AGPAT2: variants seen among roughly 807,000 people sequenced by gnomAD.
AGPAT2 encodes the protein 1-acylglycerol-3-phosphate O-acyltransferase 2, also known as 1-acyl-sn-glycerol-3-phosphate acyltransferase beta.
A neutral mutation model predicts 26.1 loss-of-function variants in AGPAT2; 18 were observed. That is an observed-to-expected ratio of 0.69 (90% CI 0.48 to 1.02). The LOEUF is 1.02. Ranked by LOEUF, AGPAT2 falls within the 50% of genes least tolerant of loss-of-function variation. AGPAT2 has a pLI of 0.00. For missense variants in AGPAT2, 415 were observed against 394.9 expected, an observed-to-expected ratio of 1.05 and a Z score of -0.43; for synonymous variants, 200 against 174.2, an observed-to-expected ratio of 1.15 and a Z score of -1.16.
chr9:136,677,921 G>A (rs1035785567), intron 1 of AGPAT2, among the ~76,000 whole-genome samples: 96 of 152,324 alleles, frequency 6.3e-4, no homozygotes, highest in Admixed American at 1.9e-3. Context: ...TCTCACGTCC[G>A]CTATGAAGGA....
intron 1 of AGPAT2, among the ~76,000 whole-genome samples, chr9:136,685,515 C>G (rs535314049): frequency 1.1e-3 from 166 of 152,312 alleles, no homozygotes; most frequent in Non-Finnish European, 1.7e-3. Context: ...TGAAGAGGCC[C>G]GTGGCCTGTG....
In AGPAT2 at chr9:136,677,057, G is replaced by C. The variant is rs551034811; in HGVS notation, c.396C>G (p.Ile132Met). ...ELLFLGPVGL[I>M]MYLGGVFFIN... Reference sequence around the variant, plus strand: ...TGAAGAAGACGCCCCCGAGGTACATGATGAGGCCCACGGGCCCCAGGAAGA... The same window carrying C: ...TGAAGAAGACGCCCCCGAGGTACATCATGAGGCCCACGGGCCCCAGGAAGA... Residue 132 changes from isoleucine to methionine, a missense_variant, in exon 3 of 6, where the codon ATC becomes ATG. Coordinates refer to ENST00000371696, the MANE Select transcript of AGPAT2 (RefSeq NM_006412.4). The C allele has an allele frequency of 1.2e-6, 2 of 1,613,190 alleles. No homozygotes were observed. The highest frequency in any genetic ancestry group is 1.7e-5 in the Admixed American group (1 of 60,026).
At chr9:136,681,966 C>G (rs1358547791) in intron 1 of AGPAT2, among the ~76,000 whole-genome samples, 2 of 152,124 alleles carry the variant, frequency 1.3e-5, no homozygotes, top group Admixed American at 1.3e-4. Context: ...GACAAGGGCT[C>G]TACATGAGTC....
In AGPAT2 at chr9:136,673,990, C is replaced by G. The variant is rs1846051522; in HGVS notation, c.662-63G>C. 7.1e-6 allele frequency: 10 copies of G among 1,413,708 alleles called. No individual in the cohort carries two copies. In the East Asian group the frequency reaches 2.8e-4, roughly 39 times the overall value. The allele number at this position is 1,413,708 out of a possible 1,614,324, so 87.6% of individuals were successfully genotyped here. A position where few individuals can be genotyped will look rare whatever the true frequency, so the allele number is the denominator to read the frequency against. Reference sequence around the variant, plus strand: ...AGCTGGGGCCCACCTCAGCCTGCTGCCCTGGCCTCGCCTCTCCCCAGCCCC... The same window carrying G: ...AGCTGGGGCCCACCTCAGCCTGCTGGCCTGGCCTCGCCTCTCCCCAGCCCC... On this transcript the variant is annotated intron_variant, in intron 5 of 5. Transcript: ENST00000371696.
chr9:136,675,087 T>TG (rs1846072949), intron 4 of AGPAT2, among the ~76,000 whole-genome samples: 1 of 152,178 alleles, frequency 6.6e-6, no homozygotes, highest in African/African-American at 2.4e-5. Flanking sequence ...GTCCCCATAT[T>TG]GGGTCTGCAG....
At chr9:136,687,113 AAGTT>A in intron 1 of AGPAT2, 59 bp downstream of exon 1, 2 of 1,505,346 alleles carry the variant, frequency 1.3e-6, no homozygotes, top group Non-Finnish European at 1.8e-6. Flanking sequence ...GCCCAGAAGA[AAGTT>A]AGGGAAGCGG....
chr9:136,679,708 G>T (rs950210115), intron 1 of AGPAT2, among the ~76,000 whole-genome samples: 5 of 152,210 alleles, frequency 3.3e-5, no homozygotes, highest in African/African-American at 1.2e-4. Flanking sequence ...AGCGCAAATG[G>T]AAACAAGAGA....
chr9:136,677,663 T>C lies in AGPAT2; in HGVS notation c.183-107A>G. ...GGAGGAGGCTGGGGAGGGGCCCTCC[T>C]GGCACGGGGCAGGAGACCGGGAGAC... On this transcript the variant is annotated intron_variant, in intron 1 of 5. Transcript: ENST00000371696. The C allele has an allele frequency of 4.4e-6, 6 of 1,365,316 alleles. No individual in the cohort carries two copies. In the South Asian group the frequency reaches 6.1e-5, roughly 14 times the overall value. The allele number at this position is 1,365,316 out of a possible 1,614,324, so 84.6% of individuals were successfully genotyped here.
chr9:136,679,577 A>G (rs905878307), intron 1 of AGPAT2, among the ~76,000 whole-genome samples: 1 of 152,072 alleles, frequency 6.6e-6, no homozygotes, highest in Non-Finnish European at 1.5e-5. Context: ...CATTTGCGCA[A>G]TCCAGCTTCC....
chr9:136,681,361 G>A lies in AGPAT2; in HGVS notation c.183-3805C>T, dbSNP rs568335894. 1.4e-3 allele frequency among the ~76,000 whole-genome samples: 209 copies of A among 152,314 alleles called. 9 individuals are homozygous for A. In the South Asian group the frequency reaches 0.019, roughly 14 times the overall value. The stretch of plus-strand genomic sequence containing the variant: ...TGGCTGGGGGAGAAAGGTATACCCT[G>A]GGGGTGGAAGAAAGTTGAAGTTGAT... On this transcript the variant is annotated intron_variant, in intron 1 of 5. Coordinates refer to ENST00000371696, the MANE Select transcript of AGPAT2 (RefSeq NM_006412.4).
At chr9:136,677,299 C>T in intron 2 of AGPAT2, 124 bp downstream of exon 2, 3 of 1,542,754 alleles carry the variant, frequency 1.9e-6, no homozygotes, top group Middle Eastern at 2.2e-4. Context: ...GAGGGAGGTA[C>T]TGAGGCCGAG....
At chr9:136,682,734 CTT>C (rs1846175733) in intron 1 of AGPAT2, among the ~76,000 whole-genome samples, 2 of 152,140 alleles carry the variant, frequency 1.3e-5, no homozygotes, top group Non-Finnish European at 2.9e-5. Context: ...CTGCCTCAGT[CTT>C]TTTCAGGAGC....
chr9:136,675,880 C>G (rs908101255), intron 4 of AGPAT2, among the ~76,000 whole-genome samples: 4 of 152,214 alleles, frequency 2.6e-5, no homozygotes, highest in Non-Finnish European at 5.9e-5. Flanking sequence ...CCCTCCCCAC[C>G]ACCTTGCACA....
At chr9:136,677,599 C>T in intron 1 of AGPAT2, 43 bp from the exon 2 acceptor site, 2 of 1,612,238 alleles carry the variant, frequency 1.2e-6, no homozygotes, top group South Asian at 1.1e-5. Context: ...ACAGATCCCG[C>T]AGCCGAGGCT....
At position 136,687,391 on chromosome 9, in the gene AGPAT2, C is replaced by CG. The variant is rs749110421; in HGVS notation, c.-35dup. ...CCGGCGCCCGACGGCGCCGCCAGCT[C>CG]GCTCCCGCTCCCGCTCCCGCTTCTC... On this transcript the variant is annotated 5_prime_UTR_variant, in exon 1 of 6. Coordinates refer to ENST00000371696, the MANE Select transcript of AGPAT2 (RefSeq NM_006412.4). 3.0e-5 allele frequency: 41 copies of CG among 1,384,680 alleles called. No individual in the cohort carries two copies. In the South Asian group the frequency reaches 5.6e-4, roughly 19 times the overall value. 85.8% of individuals were successfully genotyped at this position (1,384,680 alleles called of 1,614,324 possible).
At position 136,674,803 on chromosome 9, in the gene AGPAT2, G is replaced by A; in HGVS notation, c.593C>T (p.Pro198Leu). The stretch of plus-strand genomic sequence containing the variant: ...GGAAGAGTACACCACGGGGACGATG[G>A]GCACCTGCAGGCAGGGAGACGCACA... Reference protein sequence around the residue: ...AFYLAVQAQVPIVPVVYSSFS... With the variant: ...AFYLAVQAQVLIVPVVYSSFS... Residue 198 changes from proline (P) to leucine (L), a missense_variant, in exon 5 of 6, where the codon CCC becomes CTC. Transcript: ENST00000371696. The A allele has an allele frequency of 1.3e-6, 2 of 1,546,454 alleles. No individual in the cohort carries two copies. The highest frequency in any genetic ancestry group is 1.7e-6 in the Non-Finnish European group (2 of 1,145,740).
intron 1 of AGPAT2, among the ~76,000 whole-genome samples, chr9:136,680,828 G>A (rs953472063): frequency 1.4e-4 from 21 of 151,470 alleles, no homozygotes; most frequent in African/African-American, 4.1e-4. Context: ...CACCACACCC[G>A]GCTAATTTTT....
intron 1 of AGPAT2, among the ~76,000 whole-genome samples, chr9:136,686,429 C>G (rs1221503303): frequency 6.6e-6 from 1 of 152,250 alleles, no homozygotes; most frequent in African/African-American, 2.4e-5. Context: ...CCGTCTTTGG[C>G]AGCCCAGTCT....
Position 136,673,639 on chromosome 9 carries a change from C to G in AGPAT2, c.*113G>C, listed in dbSNP as rs572102781. On this transcript the variant is annotated 3_prime_UTR_variant, in exon 6 of 6. Transcript: ENST00000371696. Reference sequence around the variant, plus strand: ...TCCTGCTTCCCGGGCTGAGTGAGAGCTGGGGGAGCCGGACAGAGTGGTATT... The same window carrying G: ...TCCTGCTTCCCGGGCTGAGTGAGAGGTGGGGGAGCCGGACAGAGTGGTATT... The G allele has an allele frequency of 8.3e-7, 1 of 1,209,110 alleles. No individual in the cohort carries two copies. Among genetic ancestry groups the G allele is most frequent in the African/African-American group, 1.6e-5 (1 of 63,938 alleles). 74.9% of individuals were successfully genotyped at this position (1,209,110 alleles called of 1,614,324 possible).
Sources: allele counts gnomAD v4.1 joint callset (sites outside exome capture counted in the v4.1 genomes callset), GRCh38; gene constraint gnomAD v4.1.1; transcripts MANE v1.5; gene names NCBI Gene and HGNC (gene_info 2026-07-23, HGNC 2026-07-21).